Variants in ZDHHC14 observed in about 807,000 individuals in gnomAD.
ZDHHC14 encodes zDHHC palmitoyltransferase 14.
ZDHHC14 carries 16 observed loss-of-function variants against 47.7 expected under a neutral mutation model. The observed-to-expected ratio is 0.34, with a 90% CI of 0.23 to 0.51. The LOEUF (loss-of-function observed/expected upper bound fraction) is 0.51, where lower values mean the gene tolerates loss of function less well. Ranked by LOEUF, ZDHHC14 falls within the 20% of genes least tolerant of loss-of-function variation. ZDHHC14 has a pLI of 0.97. For missense variants in ZDHHC14, 515 were observed against 662.5 expected, an observed-to-expected ratio of 0.78 and a Z score of 2.44; for synonymous variants, 293 against 278.9, an observed-to-expected ratio of 1.05 and a Z score of -0.50.
intron 3 of ZDHHC14, among the ~76,000 whole-genome samples, chr6:157,600,073 A>G (rs1170231922): frequency 6.6e-6 from 1 of 152,228 alleles, no homozygotes; most frequent in East Asian, 1.9e-4. Flanking sequence ...CTGGGCCCAG[A>G]CAGCTTACTT....
intron 1 of ZDHHC14, among the ~76,000 whole-genome samples, chr6:157,488,120 C>T (rs1420728161): frequency 2.6e-5 from 4 of 152,218 alleles, no homozygotes; most frequent in Admixed American, 6.5e-5. Flanking sequence ...ACCCACATTC[C>T]GGGAGGCCTC....
chr6:157,486,318 C>A (rs571669068), intron 1 of ZDHHC14, among the ~76,000 whole-genome samples: 1 of 152,298 alleles, frequency 6.6e-6, no homozygotes, highest in South Asian at 2.1e-4. Flanking sequence ...TATTTCAATT[C>A]CGTTAAACTT....
Position 157,526,779 on chromosome 6 carries a change from C to T in ZDHHC14, c.246-15806C>T, listed in dbSNP as rs755956911. Among the ~76,000 whole-genome samples the T allele has an allele frequency of 3.5e-4, 53 of 152,296 alleles. 1 individual carries two copies. The highest frequency in any genetic ancestry group is 1.5e-3 in the South Asian group (7 of 4,814). On this transcript the variant is annotated intron_variant, in intron 1 of 8. Transcript: ENST00000359775. ...CATCTTCTCTGAATGGACTGACACA[C>T]GTGCGCCAGGGCTCGGCTGAGAAGG... is the stretch of plus-strand genomic sequence containing the variant.
intron 2 of ZDHHC14, among the ~76,000 whole-genome samples, chr6:157,592,425 C>A (rs912994816): frequency 2.0e-5 from 3 of 152,094 alleles, no homozygotes; most frequent in African/African-American, 7.2e-5. Context: ...TTTGAGGTAG[C>A]CAATGGGCAA....
In ZDHHC14 at chr6:157,677,995, A is replaced by G. The variant is rs959191361; in HGVS notation, c.*4873A>G. 18 of 151,974 alleles carry G rather than the reference A, an allele frequency of 1.2e-4. No individual in the cohort carries two copies. The highest frequency in any genetic ancestry group is 3.9e-4 in the African/African-American group (16 of 41,358). The allele number at this position is 151,974 out of a possible 1,614,324, so 9.4% of individuals were successfully genotyped here. ...GAATTCAAAGCTCTAAATCCAAACA[A>G]TGGTGAACACATGTACATAACATTT... On this transcript the variant is annotated 3_prime_UTR_variant, in exon 9 of 9. Transcript: ENST00000359775.
At chr6:157,548,385 T>G (rs935965215) in intron 2 of ZDHHC14, among the ~76,000 whole-genome samples, 3 of 152,068 alleles carry the variant, frequency 2.0e-5, no homozygotes, top group Non-Finnish European at 2.9e-5. Context: ...GCCTCTCCCA[T>G]CCTCCCTCCG....
chr6:157,391,062 C>A (rs988773513), intron 1 of ZDHHC14, among the ~76,000 whole-genome samples: 1 of 152,184 alleles, frequency 6.6e-6, no homozygotes, highest in Non-Finnish European at 1.5e-5. Flanking sequence ...CTTGGGGAAG[C>A]TTCAGTTAGA....
intron 8 of ZDHHC14, among the ~76,000 whole-genome samples, chr6:157,665,271 C>G (rs989284097): frequency 6.6e-6 from 1 of 152,174 alleles, no homozygotes; most frequent in East Asian, 1.9e-4. Flanking sequence ...AATTAGAGGA[C>G]ATGTTACAAC....
intron 1 of ZDHHC14, among the ~76,000 whole-genome samples, chr6:157,407,745 T>C (rs1454214352): frequency 1.3e-5 from 2 of 152,246 alleles, no homozygotes; most frequent in Non-Finnish European, 2.9e-5. Flanking sequence ...TTCATTTCAT[T>C]GTAGTCTGAT....
At chr6:157,589,638 C>T (rs1447842332) in intron 2 of ZDHHC14, among the ~76,000 whole-genome samples, 1 of 152,198 alleles carries the variant, frequency 6.6e-6, no homozygotes, top group African/African-American at 2.4e-5. Context: ...TTGTGAGTTT[C>T]CTGAGGCCTC....
At chr6:157,386,660 T>C (rs1777317792) in intron 1 of ZDHHC14, among the ~76,000 whole-genome samples, 1 of 152,178 alleles carries the variant, frequency 6.6e-6, no homozygotes, top group African/African-American at 2.4e-5. Context: ...GTGACAGCAT[T>C]TCATAGCTGT....
intron 1 of ZDHHC14, among the ~76,000 whole-genome samples, chr6:157,483,766 G>A (rs1006198676): frequency 1.3e-5 from 2 of 152,106 alleles, no homozygotes; most frequent in African/African-American, 2.4e-5. Flanking sequence ...GTGTGCACAC[G>A]CTTGCTACAT....
intron 1 of ZDHHC14, among the ~76,000 whole-genome samples, chr6:157,503,913 G>C (rs1780250205): frequency 6.6e-6 from 1 of 152,000 alleles, no homozygotes; most frequent in Admixed American, 6.6e-5. Context: ...ATAAAAAATT[G>C]GTATTATCTT....
At position 157,500,209 on chromosome 6, in the gene ZDHHC14, G is replaced by A. The variant is rs151136907; in HGVS notation, c.246-42376G>A. On this transcript the variant is annotated intron_variant, in intron 1 of 8. Transcript: ENST00000359775. ...AAGAGCATTCCAGGGAGAGGGAACAGCTAGTGCAAAGGCCCTGAGGTGGGG... is the reference window on the plus strand; with the variant it reads ...AAGAGCATTCCAGGGAGAGGGAACAACTAGTGCAAAGGCCCTGAGGTGGGG... 5.3e-5 allele frequency among the ~76,000 whole-genome samples: 8 copies of A among 152,302 alleles called. No homozygotes were observed. The East Asian group carries it at 1.5e-3, about 29-fold the overall frequency.
intron 1 of ZDHHC14, among the ~76,000 whole-genome samples, chr6:157,519,536 T>C (rs1215513671): frequency 6.6e-6 from 1 of 152,188 alleles, no homozygotes; most frequent in Admixed American, 6.5e-5. Flanking sequence ...GCCGTCTTGG[T>C]TGTTCATAGA....
At chr6:157,642,147 C>A (rs1009010054) in intron 5 of ZDHHC14, among the ~76,000 whole-genome samples, 1 of 152,148 alleles carries the variant, frequency 6.6e-6, no homozygotes, top group Admixed American at 6.5e-5. Context: ...TGAATGAGAG[C>A]AAGGACATCA....
intron 2 of ZDHHC14, among the ~76,000 whole-genome samples, chr6:157,574,984 C>T (rs917951383): frequency 9.2e-5 from 14 of 152,124 alleles, no homozygotes; most frequent in Admixed American, 6.5e-4. Context: ...AGGGAAGAGG[C>T]GGGTTTATTT....
intron 1 of ZDHHC14, among the ~76,000 whole-genome samples, chr6:157,397,757 A>G (rs998769206): frequency 2.6e-4 from 40 of 152,184 alleles, no homozygotes; most frequent in Non-Finnish European, 7.4e-5. Context: ...TGTTCCCTGT[A>G]TGAAGCTGGA....
chr6:157,673,437 G>A lies in ZDHHC14; in HGVS notation c.*315G>A, dbSNP rs115868260. 2.3e-3 allele frequency: 956 copies of A among 422,980 alleles called. 7 individuals carry two copies. The highest frequency in any genetic ancestry group is 0.019 in the African/African-American group (889 of 47,782). The allele number at this position is 422,980 out of a possible 1,614,324, so 26.2% of individuals were successfully genotyped here. A position where few individuals can be genotyped will look rare whatever the true frequency, so the allele number is the denominator to read the frequency against. On this transcript the variant is annotated 3_prime_UTR_variant, in exon 9 of 9. Coordinates refer to ENST00000359775, the MANE Select transcript of ZDHHC14 (RefSeq NM_024630.3). This position sits in a 1 kb window ranked among gnomAD's most constrained non-coding sequence, Gnocchi z 5.4. ...CTGCCCGCCCTTGTGACAGACACAC[G>A]GAAGGCTTCTGACGCTTGTGGCCAG...
Sources: gnomAD v4.1 joint callset for allele counts (sites outside exome capture counted in the v4.1 genomes callset) on GRCh38, gnomAD v4.1.1 for gene constraint, Gnocchi (gnomAD v3.1) non-coding constraint, MANE v1.5 for transcripts, NCBI Gene and HGNC (gene_info 2026-07-23, HGNC 2026-07-21) for gene names.